PRKN: variants seen among roughly 807,000 people sequenced by gnomAD.
PRKN encodes parkin RBR E3 ubiquitin protein ligase, also known as E3 ubiquitin-protein ligase parkin.
A neutral mutation model predicts 59.5 loss-of-function variants in PRKN; 56 were observed. The ratio of observed to expected loss-of-function variants is 0.94; its 90% CI spans 0.76 to 1.18. The LOEUF is 1.18. Ranked by LOEUF, PRKN falls within the 50% of genes most tolerant of loss-of-function variation. The probability of loss-of-function intolerance (pLI) is 0.00; values close to 1 mark genes in which losing one functional copy is unlikely to be tolerated. For missense variants in PRKN, 657 were observed against 596.4 expected (o/e 1.10, Z -1.06); for synonymous variants, 250 against 222.1 (o/e 1.13, Z -1.12).
chr6:161,995,792 T>A (rs1052467322), intron 5 of PRKN, among the ~76,000 whole-genome samples: 1 of 152,182 alleles, frequency 6.6e-6, no homozygotes, highest in Non-Finnish European at 1.5e-5. Context: ...GCAACTCTTA[T>A]ACACTGTTGT....
intron 1 of PRKN, among the ~76,000 whole-genome samples, chr6:162,561,182 G>A (rs571846226): frequency 3.7e-4 from 56 of 152,262 alleles, no homozygotes; most frequent in Non-Finnish European, 6.9e-4. Flanking sequence ...TCCAGGTTGC[G>A]GAGAGCCTTA....
At chr6:162,064,062 A>G (rs1006266979) in intron 4 of PRKN, among the ~76,000 whole-genome samples, 1 of 152,228 alleles carries the variant, frequency 6.6e-6, no homozygotes, top group African/African-American at 2.4e-5. Flanking sequence ...GGTCTCACAT[A>G]GTGGCAGACT....
chr6:162,535,680 G>A (rs1270908302), intron 1 of PRKN, among the ~76,000 whole-genome samples: 1 of 151,988 alleles, frequency 6.6e-6, no homozygotes, highest in Non-Finnish European at 1.5e-5. Context: ...AGGCCGAGGT[G>A]GGCAGATCTC....
chr6:161,894,840 T>C (rs1777553257), intron 6 of PRKN, among the ~76,000 whole-genome samples: 1 of 152,188 alleles, frequency 6.6e-6, no homozygotes, highest in Admixed American at 6.5e-5. Flanking sequence ...ACAAATGTGG[T>C]CCATCATTTA....
intron 2 of PRKN, among the ~76,000 whole-genome samples, chr6:162,371,681 T>C (rs1006870674): frequency 1.3e-5 from 2 of 152,218 alleles, no homozygotes; most frequent in Non-Finnish European, 2.9e-5. Context: ...CATTCCACAA[T>C]GGTACTCAAT....
intron 1 of PRKN, among the ~76,000 whole-genome samples, chr6:162,666,844 A>G (rs1293044778): frequency 2.6e-5 from 4 of 152,120 alleles, no homozygotes; most frequent in African/African-American, 2.4e-5. Flanking sequence ...GTAAGAGCTT[A>G]TAACAATCAG....
intron 1 of PRKN, among the ~76,000 whole-genome samples, chr6:162,667,609 T>C (rs1477904185): frequency 1.3e-5 from 2 of 152,054 alleles, no homozygotes; most frequent in Non-Finnish European, 2.9e-5. Flanking sequence ...ATTGGTGTCC[T>C]ATATATATAT....
At chr6:162,105,386 T>G (rs748882779) in intron 4 of PRKN, among the ~76,000 whole-genome samples, 8 of 152,068 alleles carry the variant, frequency 5.3e-5, no homozygotes, top group African/African-American at 1.2e-4. Flanking sequence ...TGACAACAAA[T>G]TCTACAAATA....
chr6:162,315,621 A>T (rs531632374), intron 2 of PRKN, among the ~76,000 whole-genome samples: 1 of 152,286 alleles, frequency 6.6e-6, no homozygotes, highest in East Asian at 1.9e-4. Context: ...TTAATACCAG[A>T]TTTACTTCTC....
chr6:161,735,538 AAAAGT>A (rs1228690924), intron 7 of PRKN, among the ~76,000 whole-genome samples: 6 of 152,192 alleles, frequency 3.9e-5, no homozygotes. Flanking sequence ...TTGGAGAGTC[AAAAGT>A]TGTACACAGA....
chr6:162,422,053 A>G (rs1427067765), intron 2 of PRKN, among the ~76,000 whole-genome samples: 1 of 152,206 alleles, frequency 6.6e-6, no homozygotes, highest in Non-Finnish European at 1.5e-5. Context: ...GCTGAGCAGC[A>G]GATCATGGTT....
intron 2 of PRKN, among the ~76,000 whole-genome samples, chr6:162,335,139 G>A (rs1783777747): frequency 6.6e-6 from 1 of 151,482 alleles, no homozygotes; most frequent in African/African-American, 2.4e-5. Flanking sequence ...TCAGCCTCCC[G>A]AGTACCTGTG....
At chr6:161,744,077 G>T (rs962515186) in intron 7 of PRKN, among the ~76,000 whole-genome samples, 1 of 152,000 alleles carries the variant, frequency 6.6e-6, no homozygotes, top group African/African-American at 2.4e-5. Context: ...GAAGAGTAGA[G>T]CTCATGGATT....
At chr6:162,165,312 G>C (rs1250120790) in intron 4 of PRKN, among the ~76,000 whole-genome samples, 31 of 149,022 alleles carry the variant, frequency 2.1e-4, no homozygotes, top group Non-Finnish European at 7.4e-5. Context: ...TCATTAAAAA[G>C]TAATAAACTT....
At chr6:161,912,176 TA>T (rs59096059) in intron 6 of PRKN, among the ~76,000 whole-genome samples, 17,033 of 125,598 alleles carry the variant, frequency 0.14, 1,277 homozygotes, top group African/African-American at 0.25. Flanking sequence ...GAATCTGTCC[TA>T]AAAAAAAAAA....
rs192809039 is a variant in PRKN, at chr6:161,907,008, C to T, written c.734+66294G>A. ...GGGTCTGCCTCTCCCAGTCCACTGA[C>T]TCAAATGTTTATCTCCTTTGGGAAC... On this transcript the variant is annotated intron_variant, in intron 6 of 11. Transcript: ENST00000366898. Among the ~76,000 whole-genome samples, 5 of 152,228 alleles carry T rather than the reference C, an allele frequency of 3.3e-5. No homozygotes were observed. In the East Asian group the frequency reaches 9.7e-4, roughly 29 times the overall value.
At chr6:161,596,286 T>A (rs1781910889) in intron 7 of PRKN, among the ~76,000 whole-genome samples, 1 of 152,130 alleles carries the variant, frequency 6.6e-6, no homozygotes. Context: ...GAGAAACACA[T>A]TACTATGGTT....
At chr6:161,863,346 C>G (rs1175196788) in intron 6 of PRKN, among the ~76,000 whole-genome samples, 1 of 148,184 alleles carries the variant, frequency 6.7e-6, no homozygotes, top group Non-Finnish European at 1.5e-5. Flanking sequence ...AGGGAAAAAA[C>G]ATTCTGTGTT....
chr6:161,496,623 A>G (rs1777759913), intron 9 of PRKN, among the ~76,000 whole-genome samples: 1 of 152,230 alleles, frequency 6.6e-6, no homozygotes, highest in Non-Finnish European at 1.5e-5. Context: ...AGCCACCCCC[A>G]TGATTCAATT....
Sources: gnomAD v4.1 joint callset for allele counts (sites outside exome capture counted in the v4.1 genomes callset) on GRCh38, gnomAD v4.1.1 for gene constraint, MANE v1.5 for transcripts, NCBI Gene and HGNC (gene_info 2026-07-23, HGNC 2026-07-21) for gene names.